The following ASTN2 variants were observed in gnomAD, a reference collection of about 807,000 sequenced individuals.
ASTN2 encodes the protein astrotactin 2.
Under a neutral mutation model 139.8 loss-of-function variants are expected in ASTN2, and 54 were observed. That is an observed-to-expected ratio of 0.39 (90% CI 0.31 to 0.48). The LOEUF (loss-of-function observed/expected upper bound fraction) is 0.48, where lower values mean the gene tolerates loss of function less well. ASTN2 is among the 20% of genes least tolerant of loss of function. The probability of loss-of-function intolerance (pLI) is 0.95; values close to 1 mark genes in which losing one functional copy is unlikely to be tolerated. For synonymous variants in ASTN2, 756 were observed against 719.5 expected, an observed-to-expected ratio of 1.05 and a Z score of -0.81; for missense variants, 1,565 against 1,725.1, an observed-to-expected ratio of 0.91 and a Z score of 1.64.
intron 10 of ASTN2, among the ~76,000 whole-genome samples, chr9:116,960,217 A>G (rs1410742319): frequency 1.3e-5 from 2 of 152,140 alleles, no homozygotes; most frequent in Admixed American, 1.3e-4. Flanking sequence ...CAGGCTCTGC[A>G]GAACTCCCTT....
intron 1 of ASTN2, among the ~76,000 whole-genome samples, chr9:117,413,005 A>G (rs1450800549): frequency 2.0e-5 from 3 of 152,032 alleles, no homozygotes; most frequent in Middle Eastern, 6.3e-3. Context: ...CGCCGCGGGG[A>G]GTCCCCGAGG....
At chr9:116,693,565 T>C (rs1196814859) in intron 16 of ASTN2, among the ~76,000 whole-genome samples, 2 of 152,128 alleles carry the variant, frequency 1.3e-5, no homozygotes, top group Non-Finnish European at 2.9e-5. Context: ...GTATTAATCA[T>C]TAGGTCAAGG....
chr9:116,595,335 T>TTGC (rs773516252), intron 19 of ASTN2, among the ~76,000 whole-genome samples: 63 of 151,674 alleles, frequency 4.2e-4, no homozygotes, highest in Non-Finnish European at 7.5e-4. Context: ...GTTGTTGCTG[T>TTGC]TGTTGTTGTT....
At chr9:117,391,356 A>T (rs536177177) in intron 1 of ASTN2, among the ~76,000 whole-genome samples, 2 of 152,360 alleles carry the variant, frequency 1.3e-5, no homozygotes, top group Admixed American at 1.3e-4. Flanking sequence ...TTACAGTTCC[A>T]CATGGCTGGT....
intron 1 of ASTN2, among the ~76,000 whole-genome samples, chr9:117,362,298 G>T (rs1172249054): frequency 1.3e-5 from 2 of 152,184 alleles, no homozygotes; most frequent in Non-Finnish European, 2.9e-5. Flanking sequence ...CTTTGAGACA[G>T]TTCCCATGCT....
At chr9:117,305,642 T>C (rs1304423649) in intron 1 of ASTN2, among the ~76,000 whole-genome samples, 1 of 152,198 alleles carries the variant, frequency 6.6e-6, no homozygotes, top group Non-Finnish European at 1.5e-5. Context: ...CAAGCACTGG[T>C]TTGTCTTAGT....
intron 16 of ASTN2, chr9:116,686,614 C>A (rs1413737830): frequency 2.2e-6 from 3 of 1,391,820 alleles, no homozygotes; most frequent in Admixed American, 3.9e-5. Flanking sequence ...TCCCTCAAAT[C>A]TCAGGCCAGA....
chr9:116,730,784 TA>T (rs1490344973), intron 14 of ASTN2, among the ~76,000 whole-genome samples: 3 of 152,144 alleles, frequency 2.0e-5, no homozygotes, highest in Non-Finnish European at 4.4e-5. Context: ...TGTCCAAACA[TA>T]AAAACAAAAC....
intron 16 of ASTN2, among the ~76,000 whole-genome samples, chr9:116,695,424 C>A (rs1860793807): frequency 6.6e-6 from 1 of 152,150 alleles, no homozygotes; most frequent in Non-Finnish European, 1.5e-5. Context: ...TTGTGCATGT[C>A]TGCTGCTATA....
chr9:117,268,987 C>T (rs1833998421), intron 2 of ASTN2, among the ~76,000 whole-genome samples: 1 of 152,210 alleles, frequency 6.6e-6, no homozygotes, highest in African/African-American at 2.4e-5. Context: ...ATACCTACTT[C>T]GCATGGCTGT....
chr9:117,312,902 C>T (rs1446065970), intron 1 of ASTN2, among the ~76,000 whole-genome samples: 1 of 152,162 alleles, frequency 6.6e-6, no homozygotes, highest in East Asian at 1.9e-4. Flanking sequence ...ATGGAAAATG[C>T]ATCAAGGCCA....
chr9:116,687,880 GA>G (rs1426952001), intron 16 of ASTN2, among the ~76,000 whole-genome samples: 2 of 151,972 alleles, frequency 1.3e-5, no homozygotes, highest in African/African-American at 4.8e-5. Context: ...GTGCTATTGA[GA>G]AAGGGTTTTC....
At chr9:116,814,053 A>AC (rs949090964) in intron 12 of ASTN2, among the ~76,000 whole-genome samples, 1 of 151,544 alleles carries the variant, frequency 6.6e-6, no homozygotes, top group African/African-American at 2.4e-5. Flanking sequence ...AAAAAAAAAA[A>AC]AGAGAGAGAG....
chr9:117,180,390 C>T (rs1048403365), intron 3 of ASTN2, among the ~76,000 whole-genome samples: 2 of 152,172 alleles, frequency 1.3e-5, no homozygotes, highest in African/African-American at 4.8e-5. Context: ...TGCCTTGGGA[C>T]CTTTACACAT....
chr9:117,325,377 A>G (rs1042460444), intron 1 of ASTN2, among the ~76,000 whole-genome samples: 3 of 152,030 alleles, frequency 2.0e-5, no homozygotes, highest in Admixed American at 6.5e-5. Flanking sequence ...TTTCATTGCC[A>G]TGGGCTCTTC....
chr9:116,753,699 A>T (rs1268432174), intron 13 of ASTN2, among the ~76,000 whole-genome samples: 1 of 152,200 alleles, frequency 6.6e-6, no homozygotes, highest in African/African-American at 2.4e-5. Flanking sequence ...TAATAATAGC[A>T]TGCATAGTCT....
intron 1 of ASTN2, among the ~76,000 whole-genome samples, chr9:117,365,581 G>T (rs987827807): frequency 6.6e-6 from 1 of 152,124 alleles, no homozygotes; most frequent in Non-Finnish European, 1.5e-5. Context: ...TAAATGCTCT[G>T]GTCCATGAGT....
intron 13 of ASTN2, among the ~76,000 whole-genome samples, chr9:116,751,507 C>T (rs1470095569): frequency 6.6e-6 from 1 of 151,978 alleles, no homozygotes; most frequent in Non-Finnish European, 1.5e-5. Flanking sequence ...TGGCACCTGA[C>T]ACATTATACT....
chr9:116,733,693 A>G (rs574633703), intron 13 of ASTN2, among the ~76,000 whole-genome samples, 170 bp from the exon 14 acceptor site: 2 of 152,284 alleles, frequency 1.3e-5, no homozygotes, highest in African/African-American at 4.8e-5. Flanking sequence ...TGCTAACTAC[A>G]GGTTCCTGAA....
Sources: allele counts gnomAD v4.1 joint callset (sites outside exome capture counted in the v4.1 genomes callset), GRCh38; gene constraint gnomAD v4.1.1; transcripts MANE v1.5; gene names NCBI Gene and HGNC (gene_info 2026-07-23, HGNC 2026-07-21).